Variants in PPP1R9A observed in about 807,000 individuals in gnomAD.
PPP1R9A encodes neurabin-1.
PPP1R9A carries 59 observed loss-of-function variants against 141.9 expected under a neutral mutation model. That is an observed-to-expected ratio of 0.42 (90% confidence interval 0.34 to 0.52). The LOEUF (loss-of-function observed/expected upper bound fraction) is 0.52, where lower values mean the gene tolerates loss of function less well. PPP1R9A is among the 20% of genes least tolerant of loss of function. The pLI is 0.10. For missense variants in PPP1R9A, 1,444 were observed against 1,611.9 expected (o/e 0.90, Z 1.78); for synonymous variants, 500 against 569.7 (o/e 0.88, Z 1.74).
At chr7:94,928,865 T>A (rs548519575) in intron 2 of PPP1R9A, among the ~76,000 whole-genome samples, 3 of 152,294 alleles carry the variant, frequency 2.0e-5, no homozygotes, top group African/African-American at 7.2e-5. Context: ...TCTAAAAAGA[T>A]GTGCCACTCC....
chr7:95,084,272 A>G (rs1307684157), intron 2 of PPP1R9A, among the ~76,000 whole-genome samples: 2 of 152,050 alleles, frequency 1.3e-5, no homozygotes, highest in Non-Finnish European at 2.9e-5. Flanking sequence ...CATAAGGATG[A>G]TATACCTAAG....
intron 2 of PPP1R9A, among the ~76,000 whole-genome samples, chr7:95,069,313 C>T (rs145166429): frequency 1.6e-3 from 236 of 152,142 alleles, no homozygotes; most frequent in African/African-American, 5.3e-3. Context: ...TATAACAAAC[C>T]TAAGTGTTTG....
At chr7:95,101,880 C>T (rs1393539442) in intron 2 of PPP1R9A, among the ~76,000 whole-genome samples, 1 of 151,848 alleles carries the variant, frequency 6.6e-6, no homozygotes, top group East Asian at 1.9e-4. Context: ...CCTTTTCCTC[C>T]TTTTTGTACA....
chr7:94,930,809 G>A (rs1454055942), intron 2 of PPP1R9A, among the ~76,000 whole-genome samples: 1 of 152,150 alleles, frequency 6.6e-6, no homozygotes, highest in Non-Finnish European at 1.5e-5. Context: ...GGTAAAGTAG[G>A]TTAACATTAC....
At chr7:94,973,055 C>G (rs542289877) in intron 2 of PPP1R9A, among the ~76,000 whole-genome samples, 1 of 151,954 alleles carries the variant, frequency 6.6e-6, no homozygotes, top group Non-Finnish European at 1.5e-5. Flanking sequence ...TTACTTCGTA[C>G]TTTTCCAGGA....
In PPP1R9A at chr7:95,238,147, T is replaced by C. The variant is rs576412663; in HGVS notation, c.2113-9326T>C. ...TCTACCTCTCCTCTTGTTGCCAACT[T>C]TTTGTATTTCAGGAGTTTTAGTTAC... On this transcript the variant is annotated intron_variant, in intron 8 of 19. Transcript: ENST00000433360. Among the ~76,000 whole-genome samples the C allele has an allele frequency of 2.0e-5, 3 of 152,300 alleles. No homozygotes were observed. The East Asian group carries it at 5.8e-4, about 29-fold the overall frequency.
chr7:95,133,806 C>T (rs1328636850), intron 4 of PPP1R9A, among the ~76,000 whole-genome samples: 1 of 151,964 alleles, frequency 6.6e-6, no homozygotes, highest in Non-Finnish European at 1.5e-5. Flanking sequence ...AAGCAATTCT[C>T]CTGCTCCCAA....
At chr7:95,275,714 A>T (rs907438087) in intron 16 of PPP1R9A, among the ~76,000 whole-genome samples, 1 of 152,220 alleles carries the variant, frequency 6.6e-6, no homozygotes, top group Non-Finnish European at 1.5e-5. Flanking sequence ...TCTCCACTTC[A>T]TGGGTTGTCC....
intron 16 of PPP1R9A, among the ~76,000 whole-genome samples, chr7:95,280,515 A>G (rs557363439): frequency 1.3e-5 from 2 of 152,356 alleles, no homozygotes; most frequent in East Asian, 1.9e-4. Flanking sequence ...TTCATTACTT[A>G]TAAGAGATAT....
intron 2 of PPP1R9A, among the ~76,000 whole-genome samples, chr7:94,931,050 C>A (rs1275926428): frequency 6.6e-6 from 1 of 152,064 alleles, no homozygotes; most frequent in Non-Finnish European, 1.5e-5. Flanking sequence ...GGAAGTTTTT[C>A]TTTTTTTCCT....
intron 2 of PPP1R9A, among the ~76,000 whole-genome samples, chr7:94,968,211 C>T (rs533096721): frequency 6.6e-6 from 1 of 151,832 alleles, no homozygotes; most frequent in African/African-American, 2.4e-5. Context: ...CTCGCTCTGT[C>T]GCCCAGGCTG....
chr7:94,937,311 C>T (rs1174320488), intron 2 of PPP1R9A, among the ~76,000 whole-genome samples: 1 of 152,084 alleles, frequency 6.6e-6, no homozygotes, highest in Admixed American at 6.6e-5. Context: ...GAGGCTGTTC[C>T]CTTCACTGGA....
At chr7:95,141,223 AC>A (rs1178297325) in intron 4 of PPP1R9A, among the ~76,000 whole-genome samples, 5 of 152,182 alleles carry the variant, frequency 3.3e-5, no homozygotes, top group Admixed American at 3.3e-4. Context: ...TTAGGTGAAG[AC>A]CCAGTGCTGA....
In PPP1R9A at chr7:95,160,360, G is replaced by T. The variant is rs758754619; in HGVS notation, c.1650-1507G>T. 4.6e-5 allele frequency among the ~76,000 whole-genome samples: 7 copies of T among 152,080 alleles called. No homozygotes were observed. The South Asian group carries it at 1.5e-3, about 32-fold the overall frequency. On this transcript the variant is annotated intron_variant, in intron 4 of 19. Transcript: ENST00000433360. ...AGCATATTTCATCTGGATCTCTTAT[G>T]TTTTATGTACAGTTATTAAGGACAA...
At chr7:95,060,986 G>A (rs1011939839) in intron 2 of PPP1R9A, among the ~76,000 whole-genome samples, 2 of 152,172 alleles carry the variant, frequency 1.3e-5, no homozygotes, top group Non-Finnish European at 2.9e-5. Context: ...GATGACCCAG[G>A]AAAGTTGCGA....
intron 2 of PPP1R9A, among the ~76,000 whole-genome samples, chr7:95,097,629 A>G (rs1005397924): frequency 2.0e-5 from 3 of 152,224 alleles, no homozygotes; most frequent in Admixed American, 1.3e-4. Context: ...TTGAAGTACA[A>G]TATGTCCTCT....
chr7:95,009,737 T>G (rs1388641435), intron 2 of PPP1R9A, among the ~76,000 whole-genome samples: 3 of 152,082 alleles, frequency 2.0e-5, no homozygotes, highest in African/African-American at 7.2e-5. Context: ...AATAAATATA[T>G]ATTCATAGAG....
intron 10 of PPP1R9A, among the ~76,000 whole-genome samples, chr7:95,250,884 T>A (rs1798784079): frequency 6.6e-6 from 1 of 152,146 alleles, no homozygotes; most frequent in Non-Finnish European, 1.5e-5. Context: ...TGGATCTCGG[T>A]GTAATGTCAC....
intron 6 of PPP1R9A, among the ~76,000 whole-genome samples, chr7:95,201,832 C>T (rs1339043877): frequency 1.3e-5 from 2 of 152,110 alleles, no homozygotes; most frequent in African/African-American, 2.4e-5. Context: ...ACAGTATCTC[C>T]TGTGACATTC....
Sources: allele counts gnomAD v4.1 joint callset (sites outside exome capture counted in the v4.1 genomes callset), GRCh38; gene constraint gnomAD v4.1.1; transcripts MANE v1.5; gene names NCBI Gene and HGNC (gene_info 2026-07-23, HGNC 2026-07-21).